SIAH3: variants seen among roughly 807,000 people sequenced by gnomAD.
The protein encoded by SIAH3 is siah E3 ubiquitin protein ligase family member 3, also known as seven in absentia homolog 3.
SIAH3 carries 9 observed loss-of-function variants against 12.6 expected under a neutral mutation model. The observed-to-expected ratio is 0.72, with a 90% CI of 0.43 to 1.25. The LOEUF (loss-of-function observed/expected upper bound fraction) is 1.25, where lower values mean the gene tolerates loss of function less well. SIAH3 is among the 50% of genes most tolerant of loss of function. SIAH3 has a pLI of 0.00. For missense variants in SIAH3, 390 were observed against 365.4 expected, an observed-to-expected ratio of 1.07 and a Z score of -0.55; for synonymous variants, 154 against 151.1, an observed-to-expected ratio of 1.02 and a Z score of -0.14.
rs11311084 is a variant in SIAH3 at position 45,794,096 on chromosome 13, C to CTT, written c.136-10041_136-10040dup. On this transcript the variant is annotated intron_variant, in intron 1 of 1. Transcript: ENST00000400405. ...CAGAAGCTGTGTGGCCCTCCTGACA[C>CTT]TTTTTTTTTTTTTTGAGATGGAGTC... Among the ~76,000 whole-genome samples the CTT allele has an allele frequency of 4.6e-4, 68 of 146,544 alleles. 2 individuals are homozygous for CTT. Among genetic ancestry groups the CTT allele is most frequent in the Admixed American group, 1.0e-3 (15 of 14,744 alleles).
intron 1 of SIAH3, among the ~76,000 whole-genome samples, chr13:45,832,590 G>A (rs1490203810): frequency 6.6e-6 from 1 of 152,126 alleles, no homozygotes. Context: ...TTCCTCTGTT[G>A]ATGGACACTC....
intron 1 of SIAH3, among the ~76,000 whole-genome samples, chr13:45,810,646 A>C (rs1191613817): frequency 6.6e-6 from 1 of 152,104 alleles, no homozygotes; most frequent in African/African-American, 2.4e-5. Context: ...ATTGAGAAAA[A>C]ATGTGCTGCA....
intron 1 of SIAH3, among the ~76,000 whole-genome samples, chr13:45,808,717 A>C (rs201506358): frequency 8.2e-6 from 1 of 122,130 alleles, no homozygotes; most frequent in East Asian, 2.5e-4. Flanking sequence ...GCATACTTTT[A>C]TCTACCAGAA....
At chr13:45,839,725 G>T (rs7987023) in intron 1 of SIAH3, among the ~76,000 whole-genome samples, 9 of 151,926 alleles carry the variant, frequency 5.9e-5, no homozygotes, top group Non-Finnish European at 4.4e-5. Flanking sequence ...CCAGCTACTA[G>T]GGAGGCTGAG....
At chr13:45,784,544 T>G (rs1295329449) in intron 1 of SIAH3, among the ~76,000 whole-genome samples, 1 of 152,076 alleles carries the variant, frequency 6.6e-6, no homozygotes, top group Non-Finnish European at 1.5e-5. Flanking sequence ...GTCCTTCCAG[T>G]GTAGTCAGGG....
In SIAH3 at chr13:45,783,545, G is replaced by A. The variant is rs1436088100; in HGVS notation, c.648C>T (p.Ala216=). The A allele has an allele frequency of 6.2e-7, 1 of 1,614,236 alleles. No individual in the cohort carries two copies. The highest frequency in any genetic ancestry group is 2.2e-5 in the East Asian group (1 of 44,876). The part of the protein sequence containing the change: ...NRNHRRLKWE[A]TPRSVLECVD... Reference sequence around the variant, plus strand: ...CGCACTCAAGAACAGACCGGGGCGTGGCCTCCCACTTGAGGCGCCGATGGT... The same window carrying A: ...CGCACTCAAGAACAGACCGGGGCGTAGCCTCCCACTTGAGGCGCCGATGGT... Residue 216 remains alanine, a synonymous_variant, in exon 2 of 2, where the codon GCC becomes GCT. Coordinates refer to ENST00000400405, the MANE Select transcript of SIAH3 (RefSeq NM_198849.3).
intron 1 of SIAH3, among the ~76,000 whole-genome samples, chr13:45,826,381 A>AGG (rs1566094830): frequency 0.084 from 856 of 10,136 alleles, 408 homozygotes; most frequent in East Asian, 0.35. Flanking sequence ...GGATGAATGA[A>AGG]TGGATGGATG....
intron 1 of SIAH3, among the ~76,000 whole-genome samples, chr13:45,810,624 AG>A (rs530397132): frequency 6.1e-4 from 93 of 152,322 alleles, no homozygotes; most frequent in African/African-American, 2.1e-3. Flanking sequence ...GCTTATGGTC[AG>A]AGACAAAGAC....
At chr13:45,809,213 G>T (rs1950608281) in intron 1 of SIAH3, among the ~76,000 whole-genome samples, 1 of 152,216 alleles carries the variant, frequency 6.6e-6, no homozygotes, top group African/African-American at 2.4e-5. Flanking sequence ...GAGAATGCGT[G>T]TGTTGGGGGC....
At chr13:45,806,577 G>A (rs1473831347) in intron 1 of SIAH3, among the ~76,000 whole-genome samples, 2 of 152,148 alleles carry the variant, frequency 1.3e-5, no homozygotes, top group Non-Finnish European at 2.9e-5. Flanking sequence ...AGTGGGGAGG[G>A]TGGAAGGAAG....
At chr13:45,844,237 T>G (rs2137585094) in intron 1 of SIAH3, among the ~76,000 whole-genome samples, 1 of 152,334 alleles carries the variant, frequency 6.6e-6, no homozygotes, top group African/African-American at 2.4e-5. Flanking sequence ...TGTCGGATGT[T>G]TCTGTGAGGA....
chr13:45,784,415 T>G (rs1950519476), intron 1 of SIAH3, among the ~76,000 whole-genome samples: 1 of 151,010 alleles, frequency 6.6e-6, no homozygotes, highest in African/African-American at 2.4e-5. Context: ...TTTTTTTTTT[T>G]TTTTTTGCTT....
Position 45,777,768 on chromosome 13 carries a change from G to A in SIAH3, c.*5615C>T, listed in dbSNP as rs1329569180. ...ACCTCAATCAAAGCCTAACTCTTTG[G>A]GGTCCCACCCATGATCCCTTCCCCT... is the stretch of plus-strand genomic sequence containing the variant. On this transcript the variant is annotated 3_prime_UTR_variant, in exon 2 of 2. Transcript: ENST00000400405. 1 of 152,154 alleles carries A rather than the reference G, an allele frequency of 6.6e-6. No individual in the cohort carries two copies. Among genetic ancestry groups the A allele is most frequent in the African/African-American group, 2.4e-5 (1 of 41,410 alleles). 9.4% of individuals were successfully genotyped at this position (152,154 alleles called of 1,614,324 possible).
At chr13:45,824,974 C>T (rs559266204) in intron 1 of SIAH3, among the ~76,000 whole-genome samples, 3 of 151,072 alleles carry the variant, frequency 2.0e-5, no homozygotes, top group Admixed American at 1.3e-4. Context: ...AGAACCAAGG[C>T]GTGTGCTAAT....
At chr13:45,848,470 C>A (rs1950768291) in intron 1 of SIAH3, among the ~76,000 whole-genome samples, 1 of 152,190 alleles carries the variant, frequency 6.6e-6, no homozygotes, top group Non-Finnish European at 1.5e-5. Context: ...GAAGGCTCTG[C>A]CTTCCATTTA....
At chr13:45,832,505 T>C (rs749404194) in intron 1 of SIAH3, among the ~76,000 whole-genome samples, 14 of 152,246 alleles carry the variant, frequency 9.2e-5, no homozygotes, top group Non-Finnish European at 1.8e-4. Flanking sequence ...GGTTTACTCA[T>C]GTAGGATGTC....
chr13:45,843,199 A>G (rs1460018000), intron 1 of SIAH3, among the ~76,000 whole-genome samples: 1 of 151,984 alleles, frequency 6.6e-6, no homozygotes, highest in Non-Finnish European at 1.5e-5. Context: ...ACTGAGCATC[A>G]TCCCCCTTCT....
chr13:45,846,343 G>C (rs1345789271), intron 1 of SIAH3, among the ~76,000 whole-genome samples: 2 of 152,026 alleles, frequency 1.3e-5, no homozygotes, highest in African/African-American at 4.8e-5. Flanking sequence ...ACCTGCCTCG[G>C]CCTCACAAAG....
chr13:45,809,599 T>A (rs1009234645), intron 1 of SIAH3, among the ~76,000 whole-genome samples: 4 of 152,214 alleles, frequency 2.6e-5, no homozygotes, highest in African/African-American at 9.7e-5. Context: ...AGTCCCTACC[T>A]GCATTCTGAT....
Sources: allele counts gnomAD v4.1 joint callset (sites outside exome capture counted in the v4.1 genomes callset), GRCh38; gene constraint gnomAD v4.1.1; transcripts MANE v1.5; gene names NCBI Gene and HGNC (gene_info 2026-07-23, HGNC 2026-07-21).